Variants in CCDC174 observed in about 807,000 individuals in gnomAD.
CCDC174 encodes coiled-coil domain-containing protein 174.
In CCDC174, 37 loss-of-function variants were observed where a neutral mutation model predicts 57.1. That is an observed-to-expected ratio of 0.65 (90% CI 0.50 to 0.85). CCDC174 has a LOEUF of 0.85. CCDC174 is among the 40% of genes least tolerant of loss of function. The pLI is 0.00. For missense variants in CCDC174, 540 were observed against 574.3 expected, an observed-to-expected ratio of 0.94 and a Z score of 0.61; for synonymous variants, 182 against 190.2, an observed-to-expected ratio of 0.96 and a Z score of 0.35.
chr3:14,670,406 C>G (rs79366451), intron 10 of CCDC174, among the ~76,000 whole-genome samples: 58 of 152,314 alleles, frequency 3.8e-4, no homozygotes, highest in African/African-American at 1.3e-3. Context: ...ACAGCAGCCT[C>G]TCTGGAAGAC....
intron 7 of CCDC174, chr3:14,667,210 C>T (rs2124847322): frequency 1.6e-6 from 1 of 616,408 alleles, no homozygotes; most frequent in African/African-American, 1.8e-5. Flanking sequence ...CAAACGAACC[C>T]TTGTTATGCT....
chr3:14,664,182 G>A (rs918396713), intron 5 of CCDC174, among the ~76,000 whole-genome samples: 1 of 152,126 alleles, frequency 6.6e-6, no homozygotes, highest in Non-Finnish European at 1.5e-5. Context: ...CATTGCTTGA[G>A]AGGAAAAAAA....
At chr3:14,670,628 T>A (rs2031478046) in intron 10 of CCDC174, among the ~76,000 whole-genome samples, 1 of 152,226 alleles carries the variant, frequency 6.6e-6, no homozygotes, top group Admixed American at 6.5e-5. Context: ...ATACCTACAA[T>A]GTCATGTCAA....
At chr3:14,660,404 T>C (rs2031091336) in intron 4 of CCDC174, among the ~76,000 whole-genome samples, 1 of 152,184 alleles carries the variant, frequency 6.6e-6, no homozygotes, top group African/African-American at 2.4e-5. Flanking sequence ...CTCAGGACGC[T>C]GAGGCAGGAG....
In CCDC174 at chr3:14,654,484, T is replaced by G. The variant is rs2124829686; in HGVS notation, c.101T>G (p.Leu34Arg). 1.2e-6 allele frequency: 2 copies of G among 1,607,360 alleles called. No individual in the cohort carries two copies. The highest frequency in any genetic ancestry group is 8.5e-7 in the Non-Finnish European group (1 of 1,176,420). Residue 34 changes from leucine (L) to arginine (R), a missense_variant, in exon 2 of 11, where the codon CTT (leucine) becomes CGT (arginine). Leu to Arg is a moderately radical substitution (Grantham distance 102). Coordinates refer to ENST00000383794, the MANE Select transcript of CCDC174 (RefSeq NM_016474.5). ...CAAGAAGAATTCAAACAAGAAAAAC[T>G]TCTAAAAGATTCTGGAGTTTTTGGA... ...RKQEEFKQEKLLKDSGVFGKP... is the reference protein window; with the variant it reads ...RKQEEFKQEKRLKDSGVFGKP...
intron 8 of CCDC174, among the ~76,000 whole-genome samples, 191 bp downstream of exon 8, chr3:14,667,709 A>G (rs1047176120): frequency 1.3e-5 from 2 of 152,140 alleles, no homozygotes; most frequent in African/African-American, 4.8e-5. Flanking sequence ...TGTAACTTTG[A>G]TGTTTTAAAT....
chr3:14,669,894 G>C (rs374635426), intron 9 of CCDC174, 40 bp from the exon 10 acceptor site: 1 of 1,599,618 alleles, frequency 6.3e-7, no homozygotes, highest in African/African-American at 1.3e-5. Flanking sequence ...ATAGCTTTAG[G>C]CTTTTTTATA....
At chr3:14,659,627 G>A (rs1356316783) in intron 4 of CCDC174, among the ~76,000 whole-genome samples, 1 of 152,092 alleles carries the variant, frequency 6.6e-6, no homozygotes, top group African/African-American at 2.4e-5. Context: ...ACAGTGAGCT[G>A]TTGATCATGC....
At chr3:14,668,559 T>C (rs1409648273) in intron 9 of CCDC174, among the ~76,000 whole-genome samples, 6 of 152,224 alleles carry the variant, frequency 3.9e-5, no homozygotes, top group Non-Finnish European at 4.4e-5. Context: ...TTCATAAAGT[T>C]ACATAGTAAA....
chr3:14,664,858 G>T (rs2031261959), intron 5 of CCDC174, among the ~76,000 whole-genome samples, 170 bp from the exon 6 acceptor site: 1 of 152,224 alleles, frequency 6.6e-6, no homozygotes, highest in Non-Finnish European at 1.5e-5. Context: ...TGAGCTTATT[G>T]TGTGTCAGCT....
At chr3:14,665,599 A>G (rs888090491) in intron 6 of CCDC174, among the ~76,000 whole-genome samples, 1 of 152,214 alleles carries the variant, frequency 6.6e-6, no homozygotes. Flanking sequence ...GACCTAAGAG[A>G]TAACTCTGAA....
In CCDC174 at chr3:14,655,546, C is replaced by T; in HGVS notation, c.165C>T (p.Ser55=). The T allele has an allele frequency of 6.2e-7, 1 of 1,607,468 alleles. No individual in the cohort carries two copies. The highest frequency in any genetic ancestry group is 2.2e-5 in the East Asian group (1 of 44,536). ...TTCTCCAGAAACCAAGTATCTGGAGCAAACAGAATGTAGGCGTTTCAAATC... is the reference window on the plus strand; with the variant it reads ...TTCTCCAGAAACCAAGTATCTGGAGTAAACAGAATGTAGGCGTTTCAAATC... ...KTTNKKPSIW[S]KQNVGVSNRA... Residue 55 remains serine (S), a synonymous_variant, in exon 3 of 11, where the codon AGC becomes AGT. Transcript: ENST00000383794.
In CCDC174 at chr3:14,671,747, G is replaced by A. The variant is rs183037242; in HGVS notation, c.*553G>A. ...GAGGAGCTCTTCGTAGTCCAGAAAG[G>A]TAGAAGTGGGAGTTGTTTACTTAAT... On this transcript the variant is annotated 3_prime_UTR_variant, in exon 11 of 11. Coordinates refer to ENST00000383794, the MANE Select transcript of CCDC174 (RefSeq NM_016474.5). 3 of 153,002 alleles carry A rather than the reference G, an allele frequency of 2.0e-5. No individual in the cohort carries two copies. The highest frequency in any genetic ancestry group is 1.9e-4 in the East Asian group (1 of 5,186). The allele number at this position is 153,002 out of a possible 1,614,324, so 9.5% of individuals were successfully genotyped here.
intron 4 of CCDC174, among the ~76,000 whole-genome samples, chr3:14,659,722 C>A (rs1312615697): frequency 6.6e-6 from 1 of 152,062 alleles, no homozygotes; most frequent in Non-Finnish European, 1.5e-5. Context: ...AAAAAACTCC[C>A]TTTTCTCATA....
intron 5 of CCDC174, among the ~76,000 whole-genome samples, chr3:14,663,916 A>G (rs2031233051): frequency 6.6e-6 from 1 of 152,214 alleles, no homozygotes; most frequent in Non-Finnish European, 1.5e-5. Context: ...TTTTAAATTA[A>G]GCTCCAGAAT....
chr3:14,653,049 C>G (rs2124827742), intron 1 of CCDC174, among the ~76,000 whole-genome samples: 1 of 152,210 alleles, frequency 6.6e-6, no homozygotes, highest in South Asian at 2.1e-4. Flanking sequence ...TATTAGGACA[C>G]AAAGTGAGTA....
chr3:14,670,816 G>A (rs2124851276), intron 10 of CCDC174, 80 bp from the exon 11 acceptor site: 1 of 1,207,866 alleles, frequency 8.3e-7, no homozygotes, highest in South Asian at 1.6e-5. Context: ...AGAAATATAT[G>A]ATACAATTAG....
chr3:14,666,179 C>T (rs932676212), intron 6 of CCDC174, among the ~76,000 whole-genome samples: 20 of 152,188 alleles, frequency 1.3e-4, no homozygotes, highest in Admixed American at 1.2e-3. Context: ...GAGAGACCAT[C>T]CACAGGAGGA....
intron 8 of CCDC174, 125 bp downstream of exon 8, chr3:14,667,643 G>T: frequency 1.4e-6 from 1 of 715,700 alleles, no homozygotes; most frequent in Non-Finnish European, 2.4e-6. Context: ...TTGCATAAAG[G>T]TAGTTGCCAT....
Sources: allele counts gnomAD v4.1 joint callset (sites outside exome capture counted in the v4.1 genomes callset), GRCh38; gene constraint gnomAD v4.1.1; transcripts MANE v1.5; gene names NCBI Gene and HGNC (gene_info 2026-07-23, HGNC 2026-07-21).